XKR9: variants seen among roughly 807,000 people sequenced by gnomAD.
XKR9 encodes XK related 9, also known as XK-related protein 9.
Under a neutral mutation model 32.0 loss-of-function variants are expected in XKR9, and 32 were observed. The observed-to-expected ratio is 1.00, with a 90% CI of 0.76 to 1.34. The LOEUF (loss-of-function observed/expected upper bound fraction) is 1.34. Among genes scored for constraint, XKR9 ranks in the 40% most tolerant of loss-of-function variants. The pLI is 0.00. For missense variants in XKR9, 546 were observed against 429.7 expected, an observed-to-expected ratio of 1.27 and a Z score of -2.39; for synonymous variants, 168 against 143.4, an observed-to-expected ratio of 1.17 and a Z score of -1.22.
downstream of XKR9, among the ~76,000 whole-genome samples, chr8:70,738,694 A>T (rs2130154142): frequency 6.6e-6 from 1 of 152,120 alleles, no homozygotes; most frequent in East Asian, 1.9e-4. Context: ...GGTTTCAAAG[A>T]ACATCTTTAT....
the XKR9 span, among the ~76,000 whole-genome samples, chr8:70,993,551 C>A: frequency 2.0e-5 from 3 of 152,042 alleles, no homozygotes; most frequent in Non-Finnish European, 4.4e-5. Context: ...AGTTGCATCA[C>A]TACCATCCTT....
the XKR9 span, among the ~76,000 whole-genome samples, chr8:70,812,470 G>A: frequency 6.6e-6 from 1 of 152,276 alleles, no homozygotes; most frequent in South Asian, 2.1e-4. Context: ...GGAAATAAAG[G>A]ATATTCAATG....
the XKR9 span, among the ~76,000 whole-genome samples, chr8:70,799,652 T>C: frequency 6.6e-6 from 1 of 151,968 alleles, no homozygotes; most frequent in Non-Finnish European, 1.5e-5. Flanking sequence ...TCTTGATTTG[T>C]CTCTCAGTTT....
chr8:70,898,707 T>A, the XKR9 span, among the ~76,000 whole-genome samples: 80 of 152,166 alleles, frequency 5.3e-4, 2 homozygotes, highest in South Asian at 0.012. Flanking sequence ...TTCTCTTTTT[T>A]AAAATGTGTT....
chr8:70,947,705 C>A, the XKR9 span, among the ~76,000 whole-genome samples: 1 of 152,162 alleles, frequency 6.6e-6, no homozygotes, highest in Non-Finnish European at 1.5e-5. Flanking sequence ...CTTGGTTATA[C>A]CAGGACTATT....
At chr8:70,971,317 T>A in the XKR9 span, among the ~76,000 whole-genome samples, 1 of 152,148 alleles carries the variant, frequency 6.6e-6, no homozygotes. Context: ...GGGATTTTTT[T>A]TTTCTTGCTG....
chr8:70,702,185 AT>A (rs1805561668), intron 3 of XKR9, among the ~76,000 whole-genome samples: 1 of 152,142 alleles, frequency 6.6e-6, no homozygotes, highest in Admixed American at 6.5e-5. Context: ...AGGGTTCAAT[AT>A]TTATAAAACT....
Position 70,734,715 on chromosome 8 carries a change from C to T in XKR9, c.*291C>T, listed in dbSNP as rs779796254. ...ATGAGAAGGCTGGAATTGAGCTTCCCTCCCATTTTCCTTGTTCCTGAACTA... is the reference window on the plus strand; with the variant it reads ...ATGAGAAGGCTGGAATTGAGCTTCCTTCCCATTTTCCTTGTTCCTGAACTA... On this transcript the variant is annotated 3_prime_UTR_variant, in exon 5 of 5. Transcript: ENST00000408926. 1.4e-5 allele frequency: 3 copies of T among 216,882 alleles called. No individual in the cohort carries two copies. The highest frequency in any genetic ancestry group is 2.7e-5 in the Non-Finnish European group (3 of 112,780). The allele number at this position is 216,882 out of a possible 1,614,324, so 13.4% of individuals were successfully genotyped here.
chr8:70,691,823 G>A (rs528605567), intron 3 of XKR9, among the ~76,000 whole-genome samples: 1 of 152,224 alleles, frequency 6.6e-6, no homozygotes, highest in South Asian at 2.1e-4. Flanking sequence ...TAGCCCTGTA[G>A]TATAGTTTGG....
chr8:70,892,498 C>A, the XKR9 span, among the ~76,000 whole-genome samples: 1 of 151,862 alleles, frequency 6.6e-6, no homozygotes, highest in Non-Finnish European at 1.5e-5. Flanking sequence ...TGTGGGAGTC[C>A]CTTGAGCATT....
the XKR9 span, among the ~76,000 whole-genome samples, chr8:71,002,611 C>T: frequency 6.6e-6 from 1 of 152,014 alleles, no homozygotes; most frequent in Non-Finnish European, 1.5e-5. Flanking sequence ...ACTATTGTAA[C>T]TACAATAAAA....
the XKR9 span, among the ~76,000 whole-genome samples, chr8:70,890,184 A>AT: frequency 1.2e-4 from 18 of 151,846 alleles, no homozygotes; most frequent in African/African-American, 4.3e-4. Flanking sequence ...GCTGTGGAAC[A>AT]TTTTTTCATA....
At chr8:70,755,286 T>C (rs1807204043) in intron 2 of XKR9, among the ~76,000 whole-genome samples, 2 of 152,062 alleles carry the variant, frequency 1.3e-5, no homozygotes, top group Non-Finnish European at 2.9e-5. Context: ...TGTGGAGAAA[T>C]AGGAACACTT....
chr8:70,953,459 G>A, the XKR9 span, among the ~76,000 whole-genome samples: 1 of 152,068 alleles, frequency 6.6e-6, no homozygotes, highest in South Asian at 2.1e-4. Flanking sequence ...CTACAGGTGT[G>A]CACCACCGTG....
At chr8:70,756,207 A>G (rs745684205) in intron 2 of XKR9, among the ~76,000 whole-genome samples, 3 of 152,160 alleles carry the variant, frequency 2.0e-5, no homozygotes, top group Non-Finnish European at 4.4e-5. Context: ...TGGCCTCTCA[A>G]TTCTGTTCGA....
chr8:70,995,453 T>C, the XKR9 span, among the ~76,000 whole-genome samples: 7 of 152,232 alleles, frequency 4.6e-5, no homozygotes, highest in African/African-American at 1.7e-4. Context: ...TGCAATTCTG[T>C]GATAATCCAG....
the XKR9 span, among the ~76,000 whole-genome samples, chr8:70,961,283 T>G: frequency 6.6e-6 from 1 of 152,106 alleles, no homozygotes; most frequent in African/African-American, 2.4e-5. Context: ...AAAAATGTCC[T>G]CTCTAATACC....
chr8:71,059,058 T>C, the XKR9 span, among the ~76,000 whole-genome samples: 4 of 152,268 alleles, frequency 2.6e-5, no homozygotes, highest in South Asian at 2.1e-4. Context: ...AACTGTATTT[T>C]GCCTTTCCTG....
At chr8:71,065,782 C>A in the XKR9 span, among the ~76,000 whole-genome samples, 1 of 152,124 alleles carries the variant, frequency 6.6e-6, no homozygotes, top group Non-Finnish European at 1.5e-5. Flanking sequence ...TCCCAATTTC[C>A]AAAATAAAGA....
Sources: gnomAD v4.1 joint callset for allele counts (sites outside exome capture counted in the v4.1 genomes callset) on GRCh38, gnomAD v4.1.1 for gene constraint, MANE v1.5 for transcripts, NCBI Gene and HGNC (gene_info 2026-07-23, HGNC 2026-07-21) for gene names.